TMCO4: variants seen among roughly 807,000 people sequenced by gnomAD.
The protein encoded by TMCO4 is transmembrane and coiled-coil domain-containing protein 4.
A neutral mutation model predicts 64.7 loss-of-function variants in TMCO4; 58 were observed. The observed-to-expected ratio is 0.90, with a 90% confidence interval of 0.73 to 1.12. The LOEUF (loss-of-function observed/expected upper bound fraction) is 1.12. TMCO4 is among the 50% of genes most tolerant of loss of function. The pLI, the probability that TMCO4 is intolerant of heterozygous loss-of-function variation, is 0.00. For synonymous variants in TMCO4, 325 were observed against 346.1 expected, an observed-to-expected ratio of 0.94 and a Z score of 0.68; for missense variants, 780 against 825.9, an observed-to-expected ratio of 0.94 and a Z score of 0.68.
intron 15 of TMCO4, among the ~76,000 whole-genome samples, chr1:19,693,056 C>T (rs1489132898): frequency 2.0e-5 from 3 of 150,330 alleles, no homozygotes; most frequent in African/African-American, 7.3e-5. Flanking sequence ...ACCTGTGGTC[C>T]CAGCTACTCA....
At chr1:19,796,397 C>T (rs938073583) in intron 2 of TMCO4, among the ~76,000 whole-genome samples, 1 of 152,106 alleles carries the variant, frequency 6.6e-6, no homozygotes, top group African/African-American at 2.4e-5. Flanking sequence ...TCCACCTCTC[C>T]TTGGACATAA....
At chr1:19,719,850 A>G (rs1300842590) in intron 13 of TMCO4, among the ~76,000 whole-genome samples, 3 of 152,002 alleles carry the variant, frequency 2.0e-5, no homozygotes, top group Non-Finnish European at 4.4e-5. Flanking sequence ...AAAATTAGCC[A>G]GGTTTGGTGG....
chr1:19,693,439 T>C (rs2095213629), intron 15 of TMCO4, among the ~76,000 whole-genome samples: 1 of 151,786 alleles, frequency 6.6e-6, no homozygotes, highest in Admixed American at 6.6e-5. Context: ...GCTCACACCA[T>C]TGCACTCCAG....
At chr1:19,776,845 G>A (rs1357622021) in intron 4 of TMCO4, among the ~76,000 whole-genome samples, 4 of 151,946 alleles carry the variant, frequency 2.6e-5, no homozygotes, top group East Asian at 1.9e-4. Flanking sequence ...TGGCCAACAC[G>A]GTGAAACCCC....
intron 13 of TMCO4, 180 bp from the exon 14 acceptor site, chr1:19,701,065 G>A: frequency 1.8e-6 from 1 of 562,186 alleles, no homozygotes. Context: ...TGCATGGATA[G>A]GCATGGAGGC....
At chr1:19,796,573 T>A (rs1167192872) in intron 2 of TMCO4, among the ~76,000 whole-genome samples, 1 of 151,974 alleles carries the variant, frequency 6.6e-6, no homozygotes, top group Non-Finnish European at 1.5e-5. Flanking sequence ...GTGATTTTTA[T>A]TTTTTTTATT....
intron 7 of TMCO4, among the ~76,000 whole-genome samples, chr1:19,748,155 C>G (rs567732245): frequency 1.3e-5 from 2 of 152,300 alleles, no homozygotes; most frequent in South Asian, 4.1e-4. Flanking sequence ...CACTACCTCC[C>G]CATGAACTGT....
intron 2 of TMCO4, among the ~76,000 whole-genome samples, chr1:19,789,847 G>C (rs2043938755): frequency 6.6e-6 from 1 of 152,002 alleles, no homozygotes; most frequent in South Asian, 2.1e-4. Context: ...GAGCCCAGGA[G>C]TTCGAGACCA....
At chr1:19,741,453 G>C (rs1279901266) in intron 10 of TMCO4, among the ~76,000 whole-genome samples, 1 of 152,170 alleles carries the variant, frequency 6.6e-6, no homozygotes, top group African/African-American at 2.4e-5. Context: ...TTGGGGAAGA[G>C]ATGTTTGAGC....
chr1:19,781,641 CTTTTTTTT>C (rs1202912744), intron 3 of TMCO4, among the ~76,000 whole-genome samples: 162 of 134,416 alleles, frequency 1.2e-3, no homozygotes, highest in Non-Finnish European at 1.6e-3. Flanking sequence ...ACAGAACTTT[CTTTTTTTT>C]TTTTTTTTTT....
chr1:19,783,752 C>T (rs1419280364), intron 3 of TMCO4, among the ~76,000 whole-genome samples: 1 of 152,198 alleles, frequency 6.6e-6, no homozygotes, highest in African/African-American at 2.4e-5. Flanking sequence ...GACTCCAAAC[C>T]TTGAGCTCTT....
chr1:19,701,633 A>G (rs2095272938), intron 13 of TMCO4, among the ~76,000 whole-genome samples: 1 of 152,108 alleles, frequency 6.6e-6, no homozygotes. Flanking sequence ...TTTAGAAGAG[A>G]CTAACGGGCC....
chr1:19,755,493 A>C, intron 7 of TMCO4, 141 bp downstream of exon 7: 1 of 1,225,168 alleles, frequency 8.2e-7, no homozygotes. Context: ...ACAGCGAGTC[A>C]GGGCTACAGC....
At chr1:19,717,470 G>A (rs1415058057) in intron 13 of TMCO4, among the ~76,000 whole-genome samples, 2 of 152,210 alleles carry the variant, frequency 1.3e-5, no homozygotes, top group Non-Finnish European at 2.9e-5. Context: ...ACTACTGAAG[G>A]TTCAAGTCAG....
chr1:19,779,661 A>C (rs2043367266), intron 4 of TMCO4, among the ~76,000 whole-genome samples: 1 of 152,160 alleles, frequency 6.6e-6, no homozygotes, highest in Admixed American at 6.6e-5. Flanking sequence ...CCACCTGGGC[A>C]CCCCTACCTA....
At chr1:19,757,711 G>T (rs924258244) in intron 6 of TMCO4, among the ~76,000 whole-genome samples, 1 of 151,970 alleles carries the variant, frequency 6.6e-6, no homozygotes, top group African/African-American at 2.4e-5. Context: ...CCATTTGATT[G>T]TACTCATCAT....
chr1:19,784,207 C>A (rs1431493547), intron 3 of TMCO4, among the ~76,000 whole-genome samples: 1 of 152,060 alleles, frequency 6.6e-6, no homozygotes, highest in Non-Finnish European at 1.5e-5. Context: ...TGCTTCTAAC[C>A]ACAGAGGTAT....
intron 3 of TMCO4, among the ~76,000 whole-genome samples, chr1:19,785,150 A>C (rs1054935896): frequency 0.022 from 3,337 of 152,138 alleles, 112 homozygotes; most frequent in African/African-American, 0.076. Context: ...TGACCATCAC[A>C]TCATCTGGCC....
At chr1:19,724,001 G>C (rs903480216) in intron 13 of TMCO4, among the ~76,000 whole-genome samples, 2 of 152,156 alleles carry the variant, frequency 1.3e-5, no homozygotes, top group Non-Finnish European at 2.9e-5. Context: ...TAAGGTCAAG[G>C]GTGCCTGCAT....
Sources: allele counts gnomAD v4.1 joint callset (sites outside exome capture counted in the v4.1 genomes callset), GRCh38; gene constraint gnomAD v4.1.1; transcripts MANE v1.5; gene names NCBI Gene and HGNC (gene_info 2026-07-23, HGNC 2026-07-21).